ANKH: variants seen among roughly 807,000 people sequenced by gnomAD.
ANKH encodes the protein mineralization regulator ANKH.
ANKH carries 15 observed loss-of-function variants against 49.0 expected under a neutral mutation model. The ratio of observed to expected loss-of-function variants is 0.31; its 90% CI spans 0.20 to 0.47. The LOEUF (loss-of-function observed/expected upper bound fraction) is 0.47, where lower values mean the gene tolerates loss of function less well. ANKH is among the 20% of genes least tolerant of loss of function. The pLI is 1.00. For missense variants in ANKH, 429 were observed against 652.0 expected, an observed-to-expected ratio of 0.66 and a Z score of 3.72; for synonymous variants, 273 against 260.0, an observed-to-expected ratio of 1.05 and a Z score of -0.48.
chr5:14,815,400 G>T (rs1741005167), intron 1 of ANKH, among the ~76,000 whole-genome samples: 1 of 152,164 alleles, frequency 6.6e-6, no homozygotes, highest in African/African-American at 2.4e-5. Context: ...ATATACTTGT[G>T]TTTGAATAAC....
chr5:14,805,397 CGTGTGTGTGT>C (rs77663812), intron 1 of ANKH, among the ~76,000 whole-genome samples: 12 of 133,226 alleles, frequency 9.0e-5, no homozygotes, highest in Non-Finnish European at 1.4e-4. Flanking sequence ...TGTATATATA[CGTGTGTGTGT>C]GTGTGTGTGT....
chr5:14,786,539 G>A lies in ANKH; in HGVS notation c.97-17348C>T, dbSNP rs143463657. Among the ~76,000 whole-genome samples, 477 of 152,292 alleles carry A rather than the reference G, an allele frequency of 3.1e-3. 2 individuals are homozygous for A. The highest frequency in any genetic ancestry group is 0.011 in the African/African-American group (457 of 41,568). On this transcript the variant is annotated intron_variant, in intron 1 of 11. Coordinates refer to ENST00000284268, the MANE Select transcript of ANKH (RefSeq NM_054027.6). ...TTAGCAGATATTTAACTACAGAGAA[G>A]CCGGCTCCCAGAAGAAGCAATGCTC... is the stretch of plus-strand genomic sequence containing the variant.
chr5:14,734,849 A>G (rs1347649093), intron 8 of ANKH, among the ~76,000 whole-genome samples: 1 of 152,234 alleles, frequency 6.6e-6, no homozygotes, highest in Non-Finnish European at 1.5e-5. Flanking sequence ...TACCCTTTAT[A>G]AGGTTCAAGT....
intron 4 of ANKH, 78 bp from the exon 5 acceptor site, chr5:14,751,317 G>T: frequency 1.4e-6 from 2 of 1,449,240 alleles, no homozygotes; most frequent in Admixed American, 1.8e-5. Context: ...GCACGCTCTT[G>T]AACCTGAGAC....
Position 14,797,858 on chromosome 5 carries a change from A to C in ANKH, c.97-28667T>G, listed in dbSNP as rs1159874125. ...TGAGATTTAGGTTCCAAGAAAGCCC[A>C]TAGCCTTCCTTCTGATGTCCACGGA... On this transcript the variant is annotated intron_variant, in intron 1 of 11. Transcript: ENST00000284268. 3 of 1,611,678 alleles carry C rather than the reference A, an allele frequency of 1.9e-6. No homozygotes were observed. The African/African-American group carries it at 4.0e-5, about 22-fold the overall frequency.
intron 6 of ANKH, 101 bp downstream of exon 6, chr5:14,749,071 G>T: frequency 6.7e-7 from 1 of 1,500,622 alleles, no homozygotes; most frequent in East Asian, 2.3e-5. Flanking sequence ...TTTAATATTG[G>T]GGAATTACTT....
intron 4 of ANKH, among the ~76,000 whole-genome samples, chr5:14,754,882 C>T (rs1249381617): frequency 6.6e-6 from 1 of 152,010 alleles, no homozygotes; most frequent in Non-Finnish European, 1.5e-5. Flanking sequence ...TTGAGACCAA[C>T]CTCGCCAATA....
intron 1 of ANKH, among the ~76,000 whole-genome samples, chr5:14,819,546 C>A (rs558468147): frequency 6.6e-6 from 1 of 152,268 alleles, no homozygotes; most frequent in Admixed American, 6.5e-5. Context: ...CAAGCTCCCA[C>A]TGACTTCTTA....
chr5:14,745,058 A>G lies in ANKH; in HGVS notation c.915+812T>C, dbSNP rs1348260785. Among the ~76,000 whole-genome samples, 3 of 152,182 alleles carry G rather than the reference A, an allele frequency of 2.0e-5. No individual in the cohort carries two copies. Among genetic ancestry groups the G allele is most frequent in the African/African-American group, 7.2e-5 (3 of 41,442 alleles). ...CACTTCACAGGCTCTGGCTGGGATA[A>G]GACAGTGTGATGCTGGCAGTGGCTG... On this transcript the variant is annotated intron_variant, in intron 7 of 11. Transcript: ENST00000284268. The surrounding 1 kb of genome is among the most constrained non-coding windows in gnomAD (Gnocchi z 4.7).
At chr5:14,711,393 G>C in intron 11 of ANKH, 83 bp from the exon 12 acceptor site, 1 of 1,203,594 alleles carries the variant, frequency 8.3e-7, no homozygotes, top group Non-Finnish European at 1.2e-6. Flanking sequence ...ACAACACCGG[G>C]GTCTTGGGGG....
intron 1 of ANKH, among the ~76,000 whole-genome samples, chr5:14,833,706 A>G (rs1443368499): frequency 6.6e-6 from 1 of 152,208 alleles, no homozygotes; most frequent in African/African-American, 2.4e-5. Context: ...GGCCTGAGGG[A>G]AGTGAGCCAA....
At chr5:14,753,456 G>A (rs1405550699) in intron 4 of ANKH, among the ~76,000 whole-genome samples, 1 of 152,196 alleles carries the variant, frequency 6.6e-6, no homozygotes, top group Non-Finnish European at 1.5e-5. Context: ...GGAATTTACA[G>A]GAATGCGGGG....
intron 1 of ANKH, among the ~76,000 whole-genome samples, chr5:14,854,858 A>AT (rs2126625293): frequency 6.6e-6 from 1 of 152,282 alleles, no homozygotes; most frequent in African/African-American, 2.4e-5. Flanking sequence ...AGTTGCCAGA[A>AT]TAGCCTCTTA....
At position 14,871,452 on chromosome 5, in the gene ANKH, C is replaced by T. The variant is rs754988273; in HGVS notation, c.-5G>A. ...GAGCGCCGGGAATTTCACCATAGTCCCCGCCGTGGGCTGACCCCACACACA... is the reference window on the plus strand; with the variant it reads ...GAGCGCCGGGAATTTCACCATAGTCTCCGCCGTGGGCTGACCCCACACACA... On this transcript the variant is annotated 5_prime_UTR_variant, in exon 1 of 12. Transcript: ENST00000284268. 1.2e-6 allele frequency: 2 copies of T among 1,611,398 alleles called. No homozygotes were observed. The highest frequency in any genetic ancestry group is 1.7e-6 in the Non-Finnish European group (2 of 1,178,584).
chr5:14,748,708 G>A (rs948227646), intron 6 of ANKH, among the ~76,000 whole-genome samples: 2 of 152,232 alleles, frequency 1.3e-5, no homozygotes, highest in Admixed American at 1.3e-4. Context: ...AGGGCAGGCC[G>A]GGTCAACACG....
intron 8 of ANKH, among the ~76,000 whole-genome samples, chr5:14,722,380 C>T (rs2126428895): frequency 6.6e-6 from 1 of 152,272 alleles, no homozygotes; most frequent in South Asian, 2.1e-4. Context: ...ATAGTCCACC[C>T]AGTGCCCAGA....
In ANKH at chr5:14,711,104, A is replaced by G; in HGVS notation, c.*93T>C. The G allele has an allele frequency of 3.4e-6, 4 of 1,173,424 alleles. No individual in the cohort carries two copies. The South Asian group carries it at 4.9e-5, about 14-fold the overall frequency. The allele number at this position is 1,173,424 out of a possible 1,614,324, so 72.7% of individuals were successfully genotyped here. A position where few individuals can be genotyped will look rare whatever the true frequency, so the allele number is the denominator to read the frequency against. On this transcript the variant is annotated 3_prime_UTR_variant, in exon 12 of 12. Transcript: ENST00000284268. The stretch of plus-strand genomic sequence containing the variant: ...CTTTCATTACCAAAACAAAACAAAA[A>G]AAAGGGAACAAAATACGATGGGAGA...
At chr5:14,726,164 G>GGGGT (rs1737816865) in intron 8 of ANKH, among the ~76,000 whole-genome samples, 1 of 152,134 alleles carries the variant, frequency 6.6e-6, no homozygotes, top group Non-Finnish European at 1.5e-5. Context: ...GATATACTTA[G>GGGGT]GGGTGGAGGG....
At chr5:14,721,757 C>T (rs1302015887) in intron 8 of ANKH, among the ~76,000 whole-genome samples, 5 of 151,646 alleles carry the variant, frequency 3.3e-5, no homozygotes, top group Non-Finnish European at 7.4e-5. Context: ...GGTGAAACCC[C>T]ATCTCTACTA....
Sources: allele counts gnomAD v4.1 joint callset (sites outside exome capture counted in the v4.1 genomes callset), GRCh38; gene constraint gnomAD v4.1.1; non-coding constraint Gnocchi (gnomAD v3.1); transcripts MANE v1.5; gene names NCBI Gene and HGNC (gene_info 2026-07-23, HGNC 2026-07-21).